The following ST6GALNAC5 variants were observed in gnomAD, a reference collection of about 807,000 sequenced individuals.
ST6GALNAC5 encodes alpha-N-acetylgalactosaminide alpha-2,6-sialyltransferase 5.
ST6GALNAC5 carries 27 observed loss-of-function variants against 33.6 expected under a neutral mutation model. The observed-to-expected ratio is 0.80, with a 90% CI of 0.59 to 1.11. The LOEUF (loss-of-function observed/expected upper bound fraction) is 1.11, where lower values mean the gene tolerates loss of function less well. Ranked by LOEUF, ST6GALNAC5 falls within the 50% of genes least tolerant of loss-of-function variation. The pLI, the probability that ST6GALNAC5 is intolerant of heterozygous loss-of-function variation, is 0.00. For missense variants in ST6GALNAC5, 428 were observed against 454.0 expected, an observed-to-expected ratio of 0.94 and a Z score of 0.52; for synonymous variants, 194 against 171.2, an observed-to-expected ratio of 1.13 and a Z score of -1.04.
chr1:76,990,060 C>G (rs545792949), intron 2 of ST6GALNAC5, among the ~76,000 whole-genome samples: 12 of 152,232 alleles, frequency 7.9e-5, no homozygotes, highest in Admixed American at 2.6e-4. Flanking sequence ...TATTTAAACT[C>G]TCTCCTGAAG....
At chr1:77,022,623 A>G (rs953966874) in intron 2 of ST6GALNAC5, among the ~76,000 whole-genome samples, 1 of 152,220 alleles carries the variant, frequency 6.6e-6, no homozygotes, top group Non-Finnish European at 1.5e-5. Context: ...TGGACCAGTA[A>G]AGTTTAAGCA....
rs77512001 is a variant in ST6GALNAC5 at position 77,047,507 on chromosome 1, T to C, written c.672-2751T>C. ...TGAAGAAATAGGGTCATTTAATAGA[T>C]TGTGATTGATAGAAGTTTCACCCTC... On this transcript the variant is annotated intron_variant, in intron 3 of 4. Transcript: ENST00000477717. Among the ~76,000 whole-genome samples the C allele has an allele frequency of 1.0e-3, 156 of 152,322 alleles. 1 individual carries two copies. The highest frequency in any genetic ancestry group is 3.6e-3 in the African/African-American group (150 of 41,578).
At chr1:77,040,020 C>A (rs1192999764) in intron 2 of ST6GALNAC5, among the ~76,000 whole-genome samples, 1 of 152,176 alleles carries the variant, frequency 6.6e-6, no homozygotes, top group East Asian at 1.9e-4. Flanking sequence ...AATATTTCCA[C>A]CCATATCATT....
intron 2 of ST6GALNAC5, among the ~76,000 whole-genome samples, chr1:76,929,982 G>C (rs184350914): frequency 3.3e-3 from 495 of 152,044 alleles, no homozygotes; most frequent in African/African-American, 0.011. Flanking sequence ...ATTACACTTG[G>C]TTGTTTTCAT....
intron 2 of ST6GALNAC5, among the ~76,000 whole-genome samples, chr1:76,888,240 G>A (rs142452937): frequency 5.3e-5 from 8 of 152,082 alleles, no homozygotes; most frequent in Non-Finnish European, 7.4e-5. Flanking sequence ...TGCATCACCC[G>A]GAGAAGCTTC....
chr1:76,931,122 G>A (rs1419711168), intron 2 of ST6GALNAC5, among the ~76,000 whole-genome samples: 4 of 152,094 alleles, frequency 2.6e-5, no homozygotes, highest in Non-Finnish European at 4.4e-5. Context: ...CCTGTTGGGG[G>A]ACCTGCATAG....
At chr1:76,953,045 C>T (rs1647815575) in intron 2 of ST6GALNAC5, among the ~76,000 whole-genome samples, 1 of 152,042 alleles carries the variant, frequency 6.6e-6, no homozygotes, top group Non-Finnish European at 1.5e-5. Context: ...AGTAGTATTC[C>T]ATTGTGCAGA....
intron 2 of ST6GALNAC5, among the ~76,000 whole-genome samples, chr1:76,911,781 G>T (rs1646915386): frequency 6.6e-6 from 1 of 150,964 alleles, no homozygotes; most frequent in Non-Finnish European, 1.5e-5. Context: ...TGTGGGATCG[G>T]TGGTTTGATT....
chr1:76,945,764 A>T (rs367881542), intron 2 of ST6GALNAC5, among the ~76,000 whole-genome samples: 31 of 152,210 alleles, frequency 2.0e-4, no homozygotes, highest in East Asian at 1.5e-3. Context: ...CTTCCTGACA[A>T]CTGAATGTTA....
intron 2 of ST6GALNAC5, among the ~76,000 whole-genome samples, chr1:76,906,718 G>A (rs938654345): frequency 6.6e-6 from 1 of 152,102 alleles, no homozygotes; most frequent in Non-Finnish European, 1.5e-5. Flanking sequence ...TTGCTTAGAC[G>A]TGTGTATAAA....
intron 2 of ST6GALNAC5, among the ~76,000 whole-genome samples, chr1:76,960,258 CAT>C (rs1648180068): frequency 6.6e-6 from 1 of 152,050 alleles, no homozygotes; most frequent in Non-Finnish European, 1.5e-5. Flanking sequence ...GGAGACATCA[CAT>C]GTCAGCAGGT....
In ST6GALNAC5 at chr1:76,899,423, C is replaced by T. The variant is rs533633512; in HGVS notation, c.261+30681C>T. ...AGGTCAGGGCATGGAAATAAGGGAT[C>T]GGGGCACAGAGATAAGAGGTCGGGG... On this transcript the variant is annotated intron_variant, in intron 2 of 4. Transcript: ENST00000477717. 1.4e-4 allele frequency among the ~76,000 whole-genome samples: 21 copies of T among 151,538 alleles called. 1 individual carries two copies. In the South Asian group the frequency reaches 2.5e-3, roughly 18 times the overall value.
rs147298293 is a variant in ST6GALNAC5, at chr1:76,981,101, T to C, written c.262-63103T>C. ...CACAGAAGACAGGTGATTTCTGCAT[T>C]TCCAACTGAGGTACCTGGTTCATCT... On this transcript the variant is annotated intron_variant, in intron 2 of 4. Coordinates refer to ENST00000477717, the MANE Select transcript of ST6GALNAC5 (RefSeq NM_030965.3). 1.3e-3 allele frequency among the ~76,000 whole-genome samples: 192 copies of C among 152,336 alleles called. 3 individuals are homozygous for C. The highest frequency in any genetic ancestry group is 4.0e-3 in the African/African-American group (167 of 41,574).
chr1:77,003,343 G>T (rs1432320323), intron 2 of ST6GALNAC5, among the ~76,000 whole-genome samples: 2 of 143,934 alleles, frequency 1.4e-5, no homozygotes, highest in Non-Finnish European at 3.1e-5. Flanking sequence ...CCTTTGGCTT[G>T]GTAGATCTTC....
intron 4 of ST6GALNAC5, 39 bp from the exon 5 acceptor site, chr1:77,062,936 T>A (rs765388180): frequency 1.4e-5 from 22 of 1,569,126 alleles, no homozygotes; most frequent in Non-Finnish European, 1.8e-5. Flanking sequence ...GAAAAAAAAT[T>A]TTTTTGCTTT....
chr1:77,042,879 C>T (rs1440121812), intron 2 of ST6GALNAC5, among the ~76,000 whole-genome samples: 1 of 152,046 alleles, frequency 6.6e-6, no homozygotes, highest in Non-Finnish European at 1.5e-5. Flanking sequence ...TAGTGTCTTA[C>T]CAAGGTCCCA....
At chr1:76,888,647 AT>A (rs1445401650) in intron 2 of ST6GALNAC5, among the ~76,000 whole-genome samples, 2 of 150,980 alleles carry the variant, frequency 1.3e-5, no homozygotes, top group South Asian at 2.1e-4. Context: ...CCCCTGGACC[AT>A]TTTTTCCCCT....
At chr1:76,969,653 G>T (rs1214786801) in intron 2 of ST6GALNAC5, among the ~76,000 whole-genome samples, 1 of 152,162 alleles carries the variant, frequency 6.6e-6, no homozygotes, top group African/African-American at 2.4e-5. Flanking sequence ...GTCCCTGTCT[G>T]ACAGCCCTAA....
chr1:77,060,371 A>G (rs565466904), intron 4 of ST6GALNAC5, among the ~76,000 whole-genome samples: 10 of 152,190 alleles, frequency 6.6e-5, no homozygotes, highest in Non-Finnish European at 1.2e-4. Flanking sequence ...GAAGGAAGAA[A>G]AAAACTAGGG....
Sources: allele counts gnomAD v4.1 joint callset (sites outside exome capture counted in the v4.1 genomes callset), GRCh38; gene constraint gnomAD v4.1.1; transcripts MANE v1.5; gene names NCBI Gene and HGNC (gene_info 2026-07-23, HGNC 2026-07-21).